EIF5B: variants seen among roughly 807,000 people sequenced by gnomAD.
EIF5B encodes the protein eukaryotic translation initiation factor 5B.
Under a neutral mutation model 147.5 loss-of-function variants are expected in EIF5B, and 47 were observed. That is an observed-to-expected ratio of 0.32 (90% CI 0.25 to 0.41). The LOEUF (loss-of-function observed/expected upper bound fraction) is 0.41. Among genes scored for constraint, EIF5B ranks in the 10% least tolerant of loss-of-function variants. The probability of loss-of-function intolerance (pLI) is 1.00; values close to 1 mark genes in which losing one functional copy is unlikely to be tolerated. For missense variants in EIF5B, 1,064 were observed against 1,413.2 expected (o/e 0.75, Z 3.96); for synonymous variants, 455 against 456.2 (o/e 1.00, Z 0.03).
intron 1 of EIF5B, among the ~76,000 whole-genome samples, chr2:99,349,464 T>TA (rs1182709555): frequency 6.6e-6 from 1 of 152,264 alleles, no homozygotes. Flanking sequence ...ATTTTCCTTT[T>TA]ACTTTGCAGT....
chr2:99,389,650 A>C, intron 14 of EIF5B, 68 bp from the exon 15 acceptor site: 1 of 1,439,812 alleles, frequency 6.9e-7, no homozygotes, highest in Non-Finnish European at 9.4e-7. Flanking sequence ...AATTTTCTGG[A>C]GCTATTAATA....
intron 4 of EIF5B, among the ~76,000 whole-genome samples, chr2:99,363,190 T>C (rs560488760): frequency 6.6e-6 from 1 of 152,360 alleles, no homozygotes; most frequent in Admixed American, 6.5e-5. Context: ...TTTATCCTAC[T>C]AATACCCCCT....
chr2:99,365,120 C>T (rs1157571998), intron 6 of EIF5B, among the ~76,000 whole-genome samples: 2 of 152,172 alleles, frequency 1.3e-5, no homozygotes, highest in Non-Finnish European at 2.9e-5. Flanking sequence ...AAATTTCCTG[C>T]TCCTATATTC....
intron 1 of EIF5B, among the ~76,000 whole-genome samples, chr2:99,355,126 A>T (rs1025658490): frequency 5.1e-4 from 77 of 151,892 alleles, no homozygotes; most frequent in Non-Finnish European, 8.8e-5. Flanking sequence ...CTTCTGTGGG[A>T]CTGTTTTTGG....
intron 14 of EIF5B, among the ~76,000 whole-genome samples, chr2:99,386,478 T>A (rs1490143934): frequency 1.8e-5 from 1 of 54,584 alleles, no homozygotes; most frequent in Non-Finnish European, 3.9e-5. Context: ...CGTGTGTGTG[T>A]GTGTGTGTGT....
intron 8 of EIF5B, chr2:99,371,198 GAT>G (rs1674437501): frequency 6.5e-6 from 1 of 152,750 alleles, no homozygotes; most frequent in Non-Finnish European, 1.5e-5. Flanking sequence ...ATATTAAAAA[GAT>G]AGTTCTGGCT....
Position 99,340,452 on chromosome 2 carries a change from A to G in EIF5B, c.35+2863A>G, listed in dbSNP as rs78391982. Among the ~76,000 whole-genome samples, 617 of 152,326 alleles carry G rather than the reference A, an allele frequency of 4.1e-3. 13 individuals are homozygous for G. The East Asian group carries it at 0.076, about 19-fold the overall frequency. On this transcript the variant is annotated intron_variant, in intron 1 of 23. Transcript: ENST00000289371. ...TCCACCTCCCCTCCTTGGCTATGTC[A>G]GGCATGTTTCTGGCAAGGTGTGAAC...
rs1675158602 is a variant in EIF5B at position 99,399,658 on chromosome 2, C to T, written c.*244C>T. ...GTTCACTCACCTCTCCCTTCCCCAA[C>T]CCTTCTCTACTTGGCTGCTGTTTTA... On this transcript the variant is annotated 3_prime_UTR_variant, in exon 24 of 24. Coordinates refer to ENST00000289371, the MANE Select transcript of EIF5B (RefSeq NM_015904.4). 4.8e-6 allele frequency: 2 copies of T among 412,490 alleles called. No homozygotes were observed. The highest frequency in any genetic ancestry group is 2.0e-5 in the African/African-American group (1 of 49,928). 25.6% of individuals were successfully genotyped at this position (412,490 alleles called of 1,614,324 possible).
intron 23 of EIF5B, 198 bp from the exon 24 acceptor site, chr2:99,399,109 C>A: frequency 1.2e-6 from 1 of 802,168 alleles, no homozygotes; most frequent in Non-Finnish European, 1.9e-6. Context: ...ACAGAGAAAG[C>A]TAGGACTTTT....
intron 7 of EIF5B, 127 bp downstream of exon 7, chr2:99,368,718 ACTTATTT>A (rs1674378011): frequency 5.8e-6 from 4 of 685,824 alleles, no homozygotes; most frequent in Non-Finnish European, 9.9e-6. Flanking sequence ...TATTTTCTAA[ACTTATTT>A]CTTATTAATG....
Position 99,376,609 on chromosome 2 carries a change from T to C in EIF5B, c.1815T>C (p.Ala605=), listed in dbSNP as rs985872784. The change falls in exon 10 of 24, where the codon GCT becomes GCC. Residue 605 remains alanine, a synonymous_variant. Coordinates refer to ENST00000289371, the MANE Select transcript of EIF5B (RefSeq NM_015904.4). ...SDDDRTKEER[A]YDKAKRRIEK... ...ATGATCGGACTAAAGAAGAAAGGGCTTATGACAAAGCAAAACGGAGGATTG... is the reference window on the plus strand; with the variant it reads ...ATGATCGGACTAAAGAAGAAAGGGCCTATGACAAAGCAAAACGGAGGATTG... 8.7e-6 allele frequency: 14 copies of C among 1,607,002 alleles called. No individual in the cohort carries two copies. The highest frequency in any genetic ancestry group is 1.0e-5 in the Non-Finnish European group (12 of 1,177,728).
chr2:99,362,765 C>CT (rs1028296641), intron 4 of EIF5B, among the ~76,000 whole-genome samples: 3 of 149,296 alleles, frequency 2.0e-5, no homozygotes, highest in Non-Finnish European at 1.5e-5. Context: ...ATTGACACAA[C>CT]TTTTTTTTTT....
intron 5 of EIF5B, 59 bp downstream of exon 5, chr2:99,363,921 G>C: frequency 6.6e-7 from 1 of 1,506,826 alleles, no homozygotes; most frequent in South Asian, 1.3e-5. Context: ...TCTATTCTCT[G>C]TAAAATATCT....
intron 17 of EIF5B, among the ~76,000 whole-genome samples, chr2:99,391,097 C>G (rs1482854805): frequency 6.6e-6 from 1 of 152,194 alleles, no homozygotes; most frequent in Non-Finnish European, 1.5e-5. Context: ...CAATCACATA[C>G]ACAGTCGACT....
At chr2:99,383,697 A>C (rs189725483) in intron 14 of EIF5B, among the ~76,000 whole-genome samples, 1 of 152,360 alleles carries the variant, frequency 6.6e-6, no homozygotes, top group Admixed American at 6.5e-5. Context: ...AAGCTGCAAC[A>C]AGTTATCCAG....
intron 11 of EIF5B, 67 bp downstream of exon 11, chr2:99,379,193 C>G (rs1016473365): frequency 8.4e-6 from 12 of 1,423,808 alleles, no homozygotes; most frequent in Admixed American, 2.3e-5. Context: ...TAAAAAAAAA[C>G]TTTAGAGACC....
chr2:99,396,780 G>A lies in EIF5B; in HGVS notation c.3275G>A (p.Cys1092Tyr), dbSNP rs757760839. Residue 1092 changes from cysteine (C) to tyrosine (Y), a missense_variant, in exon 22 of 24, where the codon TGC (cysteine) becomes TAC (tyrosine). Coordinates refer to ENST00000289371, the MANE Select transcript of EIF5B (RefSeq NM_015904.4). ...EEFKHIAVFP[C>Y]KIKILPQYIF... Reference sequence around the variant, plus strand: ...TTCAGGCACATAGCAGTATTTCCCTGCAAGATAAAAATCCTCCCTCAGTAC... The same window carrying A: ...TTCAGGCACATAGCAGTATTTCCCTACAAGATAAAAATCCTCCCTCAGTAC... The A allele has an allele frequency of 6.2e-7, 1 of 1,610,314 alleles. No individual in the cohort carries two copies. Among genetic ancestry groups the A allele is most frequent in the Non-Finnish European group, 8.5e-7 (1 of 1,178,820 alleles).
At chr2:99,390,094 A>G in intron 15 of EIF5B, 125 bp from the exon 16 acceptor site, 3 of 1,186,788 alleles carry the variant, frequency 2.5e-6, no homozygotes, top group Non-Finnish European at 3.6e-6. Flanking sequence ...ATACATGATC[A>G]TTTTTAGTGT....
At chr2:99,393,167 G>T (rs1043636058) in intron 18 of EIF5B, 69 bp downstream of exon 18, 2 of 1,343,550 alleles carry the variant, frequency 1.5e-6, no homozygotes, top group Non-Finnish European at 1.9e-6. Flanking sequence ...CATTGCACAT[G>T]CTAGGGATGG....
Sources: gnomAD v4.1 joint callset for allele counts (sites outside exome capture counted in the v4.1 genomes callset) on GRCh38, gnomAD v4.1.1 for gene constraint, MANE v1.5 for transcripts, NCBI Gene and HGNC (gene_info 2026-07-23, HGNC 2026-07-21) for gene names.